The following CFH variants were observed in gnomAD, a reference collection of about 807,000 sequenced individuals.
CFH encodes the protein H factor 1 (complement).
CFH carries 53 observed loss-of-function variants against 147.3 expected under a neutral mutation model. The observed-to-expected ratio is 0.36, with a 90% confidence interval of 0.29 to 0.45. The LOEUF is 0.45. Among genes scored for constraint, CFH ranks in the 20% least tolerant of loss-of-function variants. The pLI is 1.00. For missense variants in CFH, 1,380 were observed against 1,498.0 expected, an observed-to-expected ratio of 0.92 and a Z score of 1.30; for synonymous variants, 536 against 489.4, an observed-to-expected ratio of 1.10 and a Z score of -1.26.
intron 11 of CFH, among the ~76,000 whole-genome samples, chr1:196,722,784 C>T (rs1185536629): frequency 1.3e-5 from 2 of 151,882 alleles, no homozygotes; most frequent in African/African-American, 2.4e-5. Flanking sequence ...ATGTTATTTG[C>T]TCTTTATTTT....
At chr1:196,659,790 C>G (rs115477426) in intron 1 of CFH, among the ~76,000 whole-genome samples, 137 of 152,156 alleles carry the variant, frequency 9.0e-4, no homozygotes, top group African/African-American at 3.2e-3. Context: ...TCAATTTGGT[C>G]CAGTGTCCAA....
intron 12 of CFH, 105 bp from the exon 13 acceptor site, chr1:196,726,365 A>G: frequency 1.2e-6 from 1 of 854,946 alleles, no homozygotes; most frequent in Non-Finnish European, 1.9e-6. Flanking sequence ...TAAGTTACAT[A>G]ATGAAGAATA....
chr1:196,685,152 G>A lies in CFH; in HGVS notation c.879G>A (p.Gln293=), dbSNP rs769615121. Reference sequence around the variant, plus strand: ...GAACTGGAGATGAAATCACGTACCAGTGTAGAAATGGTTTTTATCCTGCAA... The same window carrying A: ...GAACTGGAGATGAAATCACGTACCAATGTAGAAATGGTTTTTATCCTGCAA... The part of the protein sequence containing the change: ...KHRTGDEITY[Q]CRNGFYPATR... The change falls in exon 7 of 22, where the codon CAG becomes CAA. Residue 293 remains glutamine (Q), a synonymous_variant. Coordinates refer to ENST00000367429, the MANE Select transcript of CFH (RefSeq NM_000186.4). 5 of 1,612,908 alleles carry A rather than the reference G, an allele frequency of 3.1e-6. No individual in the cohort carries two copies. In the East Asian group the frequency reaches 8.9e-5, roughly 29 times the overall value.
chr1:196,746,405 C>T (rs1653006462), intron 21 of CFH, among the ~76,000 whole-genome samples: 1 of 152,128 alleles, frequency 6.6e-6, no homozygotes, highest in Non-Finnish European at 1.5e-5. Context: ...GAGCCGAGTT[C>T]GCGCCACTGC....
chr1:196,727,368 G>A (rs1388416279), intron 14 of CFH, among the ~76,000 whole-genome samples: 1 of 152,022 alleles, frequency 6.6e-6, no homozygotes, highest in Non-Finnish European at 1.5e-5. Flanking sequence ...GTTAAGGTGT[G>A]GTGGTGCATG....
chr1:196,730,536 G>T (rs1183060964), intron 15 of CFH, among the ~76,000 whole-genome samples: 1 of 151,734 alleles, frequency 6.6e-6, no homozygotes, highest in Non-Finnish European at 1.5e-5. Flanking sequence ...GCGCATTTGA[G>T]AAGAATATGT....
chr1:196,695,943 T>C (rs1447220327), intron 9 of CFH, among the ~76,000 whole-genome samples: 1 of 152,140 alleles, frequency 6.6e-6, no homozygotes, highest in Non-Finnish European at 1.5e-5. Context: ...TCATGTCATC[T>C]GCAAAAAGAG....
intron 6 of CFH, among the ~76,000 whole-genome samples, chr1:196,680,159 A>G (rs1237028001): frequency 6.6e-6 from 1 of 151,870 alleles, no homozygotes; most frequent in Non-Finnish European, 1.5e-5. Context: ...TTTAAATTAT[A>G]TGAATATTTT....
chr1:196,690,756 T>C (rs150176190), intron 9 of CFH, among the ~76,000 whole-genome samples: 1 of 152,070 alleles, frequency 6.6e-6, no homozygotes, highest in Non-Finnish European at 1.5e-5. Context: ...CTGATTTACA[T>C]AGGGCCCAAA....
chr1:196,728,997 T>C (rs1669216821), intron 15 of CFH, among the ~76,000 whole-genome samples: 1 of 152,140 alleles, frequency 6.6e-6, no homozygotes, highest in Non-Finnish European at 1.5e-5. Context: ...CATCTATTTA[T>C]CTATTAATTT....
At chr1:196,738,442 G>T (rs1347524116) in intron 17 of CFH, among the ~76,000 whole-genome samples, 1 of 152,160 alleles carries the variant, frequency 6.6e-6, no homozygotes, top group Non-Finnish European at 1.5e-5. Context: ...AAGCAAGTTG[G>T]TTATTTCCTA....
At chr1:196,703,014 A>C (rs948932589) in intron 9 of CFH, among the ~76,000 whole-genome samples, 3 of 152,222 alleles carry the variant, frequency 2.0e-5, no homozygotes, top group South Asian at 2.1e-4. Flanking sequence ...AGTGCCCCAG[A>C]TATTCAGAGA....
chr1:196,690,885 T>C (rs1319938161), intron 9 of CFH, among the ~76,000 whole-genome samples: 2 of 152,236 alleles, frequency 1.3e-5, no homozygotes, highest in East Asian at 3.9e-4. Context: ...TTCTCCTTAC[T>C]GTACACGTGG....
At position 196,653,371 on chromosome 1, in the gene CFH, T is replaced by A. The variant is rs1367267238; in HGVS notation, c.58+1196T>A. 7.2e-5 allele frequency among the ~76,000 whole-genome samples: 11 copies of A among 151,924 alleles called. No homozygotes were observed. The South Asian group carries it at 1.5e-3, about 20-fold the overall frequency. ...ATAATTAGTATTTTAAAATGAAACCTTTTTGTATTTACAAACAGTTCCAGA... is the reference window on the plus strand; with the variant it reads ...ATAATTAGTATTTTAAAATGAAACCATTTTGTATTTACAAACAGTTCCAGA... On this transcript the variant is annotated intron_variant, in intron 1 of 21. Coordinates refer to ENST00000367429, the MANE Select transcript of CFH (RefSeq NM_000186.4).
In CFH at chr1:196,685,381, G is replaced by A. The variant is rs1035496491; in HGVS notation, c.964+144G>A. ...TTGGAAGCATTCTTTAGTTTTCGAA[G>A]TTGCCGAAACTCATATTTTTTGCTA... is the stretch of plus-strand genomic sequence containing the variant. On this transcript the variant is annotated intron_variant, in intron 7 of 21. Transcript: ENST00000367429. 8.1e-6 allele frequency: 7 copies of A among 869,472 alleles called. No individual in the cohort carries two copies. In the African/African-American group the frequency reaches 1.2e-4, roughly 15 times the overall value. 53.9% of individuals were successfully genotyped at this position (869,472 alleles called of 1,614,324 possible). A position where few individuals can be genotyped will look rare whatever the true frequency, so the allele number is the denominator to read the frequency against.
At chr1:196,663,987 T>C (rs2149071599) in intron 1 of CFH, among the ~76,000 whole-genome samples, 1 of 152,352 alleles carries the variant, frequency 6.6e-6, no homozygotes, top group South Asian at 2.1e-4. Flanking sequence ...TATGTTATGG[T>C]AATTCTTTAC....
chr1:196,734,100 C>A (rs539875764), intron 15 of CFH, among the ~76,000 whole-genome samples: 1 of 152,112 alleles, frequency 6.6e-6, no homozygotes, highest in South Asian at 2.1e-4. Context: ...TATGTGAGAT[C>A]CAAAAACTTC....
At chr1:196,739,394 T>C (rs1203916811) in intron 17 of CFH, among the ~76,000 whole-genome samples, 1 of 152,156 alleles carries the variant, frequency 6.6e-6, no homozygotes, top group Non-Finnish European at 1.5e-5. Context: ...CCTCTTGAGC[T>C]CTTTGCCACT....
At position 196,690,233 on chromosome 1, in the gene CFH, C is replaced by T. The variant is rs754410335; in HGVS notation, c.1330C>T (p.Arg444Cys). 10 of 1,613,150 alleles carry T rather than the reference C, an allele frequency of 6.2e-6. No homozygotes were observed. The South Asian group carries it at 8.8e-5, about 14-fold the overall frequency. The change falls in exon 9 of 22, where the codon CGT becomes TGT. Residue 444 changes from arginine (R) to cysteine (C), a missense_variant. Physicochemically the swap from Arg to Cys is radical, Grantham distance 180. This residue lies in a region of CFH where 830 missense variants were observed against 821.4 expected (regional missense o/e 1.01). Transcript: ENST00000367429. ...NGWSPTPRCI[R>C]VKTCSKSSID... ...CTGGTCTCCTACTCCCAGATGCATCCGTGTCAGTAAGTACACTACTCTGAA... is the reference window on the plus strand; with the variant it reads ...CTGGTCTCCTACTCCCAGATGCATCTGTGTCAGTAAGTACACTACTCTGAA...
Sources: gnomAD v4.1 joint callset for allele counts (sites outside exome capture counted in the v4.1 genomes callset) on GRCh38, gnomAD v4.1.1 for gene constraint, gnomAD v4.1.1 regional missense constraint, MANE v1.5 for transcripts, NCBI Gene and HGNC (gene_info 2026-07-23, HGNC 2026-07-21) for gene names.